The following TRIM16 variants were observed in gnomAD, a reference collection of about 807,000 sequenced individuals.
TRIM16 encodes tripartite motif-containing protein 16.
A neutral mutation model predicts 50.4 loss-of-function variants in TRIM16; 33 were observed. The ratio of observed to expected loss-of-function variants is 0.65; its 90% CI spans 0.50 to 0.88. The LOEUF (loss-of-function observed/expected upper bound fraction) is 0.88. Ranked by LOEUF, TRIM16 falls within the 40% of genes least tolerant of loss-of-function variation. TRIM16 has a pLI of 0.00. For missense variants in TRIM16, 581 were observed against 686.8 expected, an observed-to-expected ratio of 0.85 and a Z score of 1.72; for synonymous variants, 229 against 270.7, an observed-to-expected ratio of 0.85 and a Z score of 1.51.
At chr17:15,639,377 T>C (rs910606341) in intron 8 of TRIM16, among the ~76,000 whole-genome samples, 17 of 148,602 alleles carry the variant, frequency 1.1e-4, no homozygotes, top group African/African-American at 4.2e-4. Flanking sequence ...TTATGCCAAC[T>C]TTTCCGTTGC....
chr17:15,665,761 G>A (rs948717928), intron 6 of TRIM16, among the ~76,000 whole-genome samples: 3 of 151,512 alleles, frequency 2.0e-5, no homozygotes, highest in South Asian at 2.1e-4. Context: ...CCATTCCTAC[G>A]CCTTCAGTTA....
At position 15,680,825 on chromosome 17, in the gene TRIM16, A is replaced by C. The variant is rs1191884801; in HGVS notation, c.-590+40T>G. 8 of 1,514,412 alleles carry C rather than the reference A, an allele frequency of 5.3e-6. No homozygotes were observed. The Admixed American group carries it at 1.0e-4, about 19-fold the overall frequency. The allele number at this position is 1,514,412 out of a possible 1,614,324, so 93.8% of individuals were successfully genotyped here. A position where few individuals can be genotyped will look rare whatever the true frequency, so the allele number is the denominator to read the frequency against. ...GAGAGGAAAATCCCCAACTCAATTA[A>C]AATAAAATTTCCAAGAAGAGAGGAA... On this transcript the variant is annotated intron_variant, in intron 4 of 11. Transcript: ENST00000649191.
chr17:15,682,639 G>A (rs1287335922), intron 3 of TRIM16, among the ~76,000 whole-genome samples: 2 of 152,210 alleles, frequency 1.3e-5, no homozygotes, highest in African/African-American at 4.8e-5. Context: ...CAAGGGACTA[G>A]GGCTCTCCCA....
chr17:15,650,586 C>T (rs1483762193), intron 7 of TRIM16, among the ~76,000 whole-genome samples: 1 of 152,194 alleles, frequency 6.6e-6, no homozygotes, highest in Non-Finnish European at 1.5e-5. Context: ...CTTAGATTTC[C>T]TGTTATCTCC....
chr17:15,639,593 G>T lies in TRIM16; in HGVS notation c.615+3128C>A, dbSNP rs1267012604. ...AAACCTGAGGCTATCTGGTTTTGTG[G>T]CTCCCTCCGGAGCCCTGTTGTCCAG... is the stretch of plus-strand genomic sequence containing the variant. On this transcript the variant is annotated intron_variant, in intron 8 of 11. Coordinates refer to ENST00000649191, the MANE Select transcript of TRIM16 (RefSeq NM_001348119.1). Among the ~76,000 whole-genome samples the T allele has an allele frequency of 2.7e-5, 4 of 149,118 alleles. No individual in the cohort carries two copies. The East Asian group carries it at 8.1e-4, about 30-fold the overall frequency.
At chr17:15,639,630 A>G (rs1987027177) in intron 8 of TRIM16, among the ~76,000 whole-genome samples, 1 of 149,272 alleles carries the variant, frequency 6.7e-6, no homozygotes, top group South Asian at 2.2e-4. Flanking sequence ...GCTGGCCCTC[A>G]CCCTTGGGAG....
intron 6 of TRIM16, among the ~76,000 whole-genome samples, chr17:15,661,602 C>T (rs1045285402): frequency 1.3e-5 from 2 of 152,148 alleles, no homozygotes; most frequent in Non-Finnish European, 2.9e-5. Context: ...CCCTGCAGTC[C>T]AAATGGTGCC....
Position 15,651,178 on chromosome 17 carries a change from A to G in TRIM16, c.432T>C (p.Pro144=), listed in dbSNP as rs754499963. 1.2e-6 allele frequency: 2 copies of G among 1,614,206 alleles called. No homozygotes were observed. The highest frequency in any genetic ancestry group is 1.1e-5 in the South Asian group (1 of 91,090). ...AGTCCTGGCAGATGCACTGCTGATC[A>G]GGGCAGCAGAAGGCAGACAGTGGGC... The part of the protein sequence containing the change: ...HHSPLSAFCC[P]DQQCICQDCC... The change falls in exon 7 of 12, where the codon CCT becomes CCC. Residue 144 remains proline, a synonymous_variant. Coordinates refer to ENST00000649191, the MANE Select transcript of TRIM16 (RefSeq NM_001348119.1).
chr17:15,679,178 C>G (rs1474524692), intron 4 of TRIM16, among the ~76,000 whole-genome samples: 2 of 152,146 alleles, frequency 1.3e-5, no homozygotes, highest in East Asian at 3.9e-4. Flanking sequence ...CGCATCCAGC[C>G]AACAGATGCA....
intron 8 of TRIM16, among the ~76,000 whole-genome samples, chr17:15,638,678 G>A (rs532831033): frequency 6.7e-6 from 1 of 148,868 alleles, no homozygotes; most frequent in Non-Finnish European, 1.5e-5. Context: ...AGAGGCTTCA[G>A]GGGCACCTCC....
In TRIM16 at chr17:15,629,065, C is replaced by A; in HGVS notation, c.1245G>T (p.Trp415Cys). 1 of 1,613,962 alleles carries A rather than the reference C, an allele frequency of 6.2e-7. No individual in the cohort carries two copies. Among genetic ancestry groups the A allele is most frequent in the South Asian group, 1.1e-5 (1 of 91,078 alleles). The change falls in exon 12 of 12, where the codon TGG becomes TGT. Residue 415 changes from tryptophan (W) to cysteine (C), a missense_variant. By Grantham distance (215) the Trp-to-Cys change is radical. Coordinates refer to ENST00000649191, the MANE Select transcript of TRIM16 (RefSeq NM_001348119.1). Reference protein sequence around the residue: ...YPDLPSRFLHWRQVLSQQSLY... With the variant: ...YPDLPSRFLHCRQVLSQQSLY... ...GACTCTGCTGGGACAGCACCTGCCGCCAGTGCAGGAACCTGCTGGGGAGGT... is the reference window on the plus strand; with the variant it reads ...GACTCTGCTGGGACAGCACCTGCCGACAGTGCAGGAACCTGCTGGGGAGGT...
At chr17:15,662,294 G>A (rs1988275832) in intron 6 of TRIM16, among the ~76,000 whole-genome samples, 1 of 152,200 alleles carries the variant, frequency 6.6e-6, no homozygotes, top group South Asian at 2.1e-4. Flanking sequence ...ATGCACACTT[G>A]TGACTCCAAA....
In TRIM16 at chr17:15,629,139, C is replaced by T. The variant is rs761226351; in HGVS notation, c.1171G>A (p.Glu391Lys). 6.2e-7 allele frequency: 1 copy of T among 1,612,854 alleles called. No homozygotes were observed. Among genetic ancestry groups the T allele is most frequent in the Admixed American group, 1.7e-5 (1 of 59,946 alleles). ...GTGGTGTTGGTGACCTTGCGGTTCT[C>T]CTCCTGCAGCCGGAGATACTTGTGT... ...TAHKYLRLQE[E>K]NRKVTNTTPW... is the part of the protein sequence containing the mutation. The change falls in exon 12 of 12, where the codon GAG (glutamate) becomes AAG (lysine). Residue 391 changes from glutamate (E) to lysine (K), a missense_variant. Physicochemically the swap from Glu to Lys is moderately conservative, Grantham distance 56. Transcript: ENST00000649191.
Position 15,651,658 on chromosome 17 carries a change from G to A in TRIM16, c.-49C>T. On this transcript the variant is annotated 5_prime_UTR_variant, in exon 7 of 12. Coordinates refer to ENST00000649191, the MANE Select transcript of TRIM16 (RefSeq NM_001348119.1). The stretch of plus-strand genomic sequence containing the variant: ...GTCTTTCTTCTGTCCCTTGGCCCAG[G>A]ATCTGTGCAGCCCAAGTCAGACAAG... The A allele has an allele frequency of 6.3e-7, 1 of 1,583,200 alleles. No homozygotes were observed. Among genetic ancestry groups the A allele is most frequent in the Non-Finnish European group, 8.6e-7 (1 of 1,165,740 alleles).
intron 6 of TRIM16, among the ~76,000 whole-genome samples, chr17:15,657,948 A>G (rs958538177): frequency 6.6e-6 from 1 of 152,210 alleles, no homozygotes; most frequent in South Asian, 2.1e-4. Context: ...CCTTCACAAA[A>G]CAAATGTAAC....
chr17:15,661,044 AG>A (rs1988213830), intron 6 of TRIM16, among the ~76,000 whole-genome samples: 1 of 152,118 alleles, frequency 6.6e-6, no homozygotes, highest in Admixed American at 6.5e-5. Context: ...GATGTTATGG[AG>A]GGCTCCCAAT....
At chr17:15,663,960 GC>G (rs1988362368) in intron 6 of TRIM16, among the ~76,000 whole-genome samples, 2 of 152,188 alleles carry the variant, frequency 1.3e-5, no homozygotes, top group African/African-American at 4.8e-5. Context: ...GTGTGTACAG[GC>G]CCCATGGTGA....
Position 15,636,111 on chromosome 17 carries a change from C to A in TRIM16, c.774G>T (p.Arg258Ser). Residue 258 changes from arginine (R) to serine (S), a missense_variant, in exon 9 of 12, where the codon AGG becomes AGT. Arg to Ser is a moderately radical substitution (Grantham distance 110). Coordinates refer to ENST00000649191, the MANE Select transcript of TRIM16 (RefSeq NM_001348119.1). ...ANGIKAHLEY[R>S]SAEMEKSKQE... ...GCTTGCTCTTCTCCATCTCGGCACT[C>A]CTGTACTCCAGGTGGGCCTTGATAC... The A allele has an allele frequency of 6.2e-7, 1 of 1,609,832 alleles. No homozygotes were observed. The highest frequency in any genetic ancestry group is 8.5e-7 in the Non-Finnish European group (1 of 1,178,870).
At chr17:15,660,059 C>G (rs759399661) in intron 6 of TRIM16, among the ~76,000 whole-genome samples, 6 of 152,176 alleles carry the variant, frequency 3.9e-5, no homozygotes, top group Non-Finnish European at 8.8e-5. Flanking sequence ...GGTGAGGGTC[C>G]TCTTGTTTTT....
Sources: gnomAD v4.1 joint callset for allele counts (sites outside exome capture counted in the v4.1 genomes callset) on GRCh38, gnomAD v4.1.1 for gene constraint, MANE v1.5 for transcripts, NCBI Gene and HGNC (gene_info 2026-07-23, HGNC 2026-07-21) for gene names.